GCAT: variants seen among roughly 807,000 people sequenced by gnomAD.
The protein encoded by GCAT is glycine C-acetyltransferase.
Under a neutral mutation model 39.7 loss-of-function variants are expected in GCAT, and 26 were observed. The observed-to-expected ratio is 0.65, with a 90% CI of 0.48 to 0.91. The LOEUF is 0.91. GCAT is among the 40% of genes least tolerant of loss of function. The probability of loss-of-function intolerance (pLI) is 0.00; values close to 1 mark genes in which losing one functional copy is unlikely to be tolerated. For missense variants in GCAT, 550 were observed against 576.2 expected (o/e 0.95, Z 0.47); for synonymous variants, 218 against 237.2 (o/e 0.92, Z 0.74).
intron 2 of GCAT, among the ~76,000 whole-genome samples, chr22:37,810,660 C>T (rs1046605321): frequency 1.9e-4 from 29 of 151,940 alleles, no homozygotes; most frequent in African/African-American, 3.6e-4. Flanking sequence ...GGACTACAGG[C>T]GCCTACCACC....
In GCAT at chr22:37,816,496, G is replaced by A. The variant is rs1052476732; in HGVS notation, c.1109-71G>A. The A allele has an allele frequency of 5.1e-6, 8 of 1,571,730 alleles. No individual in the cohort carries two copies. The Admixed American group carries it at 1.0e-4, about 20-fold the overall frequency. On this transcript the variant is annotated intron_variant, in intron 8 of 8. Coordinates refer to ENST00000248924, the MANE Select transcript of GCAT (RefSeq NM_014291.4). ...AGTCCCGAATCTGAGACCTGGGGCA[G>A]TTCCCTTGCCCTCTGTGTTCTGCCC...
At chr22:37,815,553 GA>G in intron 6 of GCAT, 53 bp downstream of exon 6, 1 of 1,534,662 alleles carries the variant, frequency 6.5e-7, no homozygotes, top group South Asian at 1.1e-5. Context: ...AAGGGCCCTG[GA>G]GGGGCTCAGG....
intron 6 of GCAT, 34 bp downstream of exon 6, chr22:37,815,534 G>T (rs1251509971): frequency 6.4e-7 from 1 of 1,574,484 alleles, no homozygotes. Context: ...GGGTCCCCTT[G>T]TCCTTTTGAA....
chr22:37,809,691 C>T (rs921186926), intron 1 of GCAT, among the ~76,000 whole-genome samples: 1 of 151,922 alleles, frequency 6.6e-6, no homozygotes, highest in South Asian at 2.1e-4. Flanking sequence ...CATGGTGGCA[C>T]GCACCTGTAG....
downstream of GCAT, chr22:37,817,116 G>A: frequency 5.4e-6 from 1 of 183,980 alleles, no homozygotes; most frequent in South Asian, 1.1e-4. Context: ...CCTGAGGTCG[G>A]GAGTTTGAGA....
chr22:37,812,567 C>T lies in GCAT; in HGVS notation c.328-320C>T, dbSNP rs184628321. 2.8e-4 allele frequency among the ~76,000 whole-genome samples: 43 copies of T among 152,200 alleles called. 1 individual carries two copies. The East Asian group carries it at 7.3e-3, about 26-fold the overall frequency. On this transcript the variant is annotated intron_variant, in intron 2 of 8. Transcript: ENST00000248924. ...TGTGATCTTTTTCTTCACCATTAGG[C>T]GACCAAAAAAGACACTCAGTATGGT...
intron 2 of GCAT, among the ~76,000 whole-genome samples, chr22:37,810,521 T>TC (rs2145917173): frequency 6.9e-6 from 1 of 145,356 alleles, no homozygotes; most frequent in South Asian, 2.3e-4. Flanking sequence ...AATTTTTTTT[T>TC]TTTTTTTTTT....
rs11703517 is a variant in GCAT, at chr22:37,813,119, A to C, written c.429+131A>C. On this transcript the variant is annotated intron_variant, in intron 3 of 8. Coordinates refer to ENST00000248924, the MANE Select transcript of GCAT (RefSeq NM_014291.4). ...TAGAGGCTCCAGAGCCCGCTTCTGG[A>C]GGTCAAGGTTGGGCCAGGTAGGTGC... 4.7e-3 allele frequency: 3,342 copies of C among 714,912 alleles called. 20 individuals are homozygous for C. The highest frequency in any genetic ancestry group is 5.3e-3 in the Non-Finnish European group (2,167 of 406,306). The allele number at this position is 714,912 out of a possible 1,614,324, so 44.3% of individuals were successfully genotyped here.
chr22:37,809,951 C>T (rs766359551), intron 1 of GCAT, 76 bp from the exon 2 acceptor site: 4 of 1,577,982 alleles, frequency 2.5e-6, no homozygotes, highest in African/African-American at 2.7e-5. Flanking sequence ...TTCCCCAGGG[C>T]CTGGCACTGT....
At chr22:37,808,242 G>T in intron 1 of GCAT, 79 bp downstream of exon 1, 1 of 1,181,308 alleles carries the variant, frequency 8.5e-7, no homozygotes, top group Admixed American at 3.3e-5. Context: ...GTGGGGGTGG[G>T]CGGCTCCTAC....
At chr22:37,811,733 G>A (rs1052495557) in intron 2 of GCAT, among the ~76,000 whole-genome samples, 5 of 151,794 alleles carry the variant, frequency 3.3e-5, no homozygotes, top group Non-Finnish European at 7.4e-5. Flanking sequence ...AGACCAGCCT[G>A]GCCAACATGG....
At chr22:37,815,958 T>C in intron 7 of GCAT, 124 bp downstream of exon 7, 5 of 1,139,022 alleles carry the variant, frequency 4.4e-6, no homozygotes, top group Non-Finnish European at 6.3e-6. Context: ...TTCCCCTCCC[T>C]TCTCTCTGTC....
At chr22:37,816,394 C>G (rs557468517) in intron 8 of GCAT, 73 bp downstream of exon 8, 2 of 1,571,212 alleles carry the variant, frequency 1.3e-6, no homozygotes, top group African/African-American at 2.7e-5. Flanking sequence ...AGACTGTGAC[C>G]CAGCCCCGTA....
chr22:37,815,953 C>T (rs1601704321), intron 7 of GCAT, 119 bp downstream of exon 7: 1 of 1,159,706 alleles, frequency 8.6e-7, no homozygotes. Context: ...GCCTGTTCCC[C>T]TCCCTTCTCT....
At position 37,813,571 on chromosome 22, in the gene GCAT, G is replaced by A. The variant is rs745626193; in HGVS notation, c.538G>A (p.Asp180Asn). The change falls in exon 4 of 9, where the codon GAC becomes AAC. Residue 180 changes from aspartate (D) to asparagine (N), a missense_variant. Transcript: ENST00000248924. The stretch of plus-strand genomic sequence containing the variant: ...CCACAAGTACCGCTATCGCCACCTG[G>A]ACATGGCCGACCTAGAAGCCAAGCT... ...KAHKYRYRHLDMADLEAKLQE... is the reference protein window; with the variant it reads ...KAHKYRYRHLNMADLEAKLQE... 6 of 1,612,946 alleles carry A rather than the reference G, an allele frequency of 3.7e-6. No homozygotes were observed. Among genetic ancestry groups the A allele is most frequent in the Non-Finnish European group, 5.1e-6 (6 of 1,179,772 alleles).
rs568423076 is a variant in GCAT at position 37,813,580 on chromosome 22, G to A, written c.547G>A (p.Asp183Asn). The A allele has an allele frequency of 1.1e-4, 185 of 1,611,596 alleles. No homozygotes were observed. Among genetic ancestry groups the A allele is most frequent in the East Asian group, 7.4e-4 (33 of 44,834 alleles). ...KYRYRHLDMA[D>N]LEAKLQEAQK... ...CCGCTATCGCCACCTGGACATGGCC[G>A]ACCTAGAAGCCAAGCTGCAGGAGGC... The change falls in exon 4 of 9, where the codon GAC (aspartate) becomes AAC (asparagine). Residue 183 changes from aspartate (D) to asparagine (N), a missense_variant. Asp to Asn is a conservative substitution (Grantham distance 23, BLOSUM62 1). Transcript: ENST00000248924.
At position 37,815,724 on chromosome 22, in the gene GCAT, C is replaced by T. The variant is rs1922108040; in HGVS notation, c.876C>T (p.Tyr292=). The T allele has an allele frequency of 6.2e-7, 1 of 1,613,752 alleles. No homozygotes were observed. The highest frequency in any genetic ancestry group is 8.5e-7 in the Non-Finnish European group (1 of 1,179,904). The change falls in exon 7 of 9, where the codon TAC becomes TAT. Residue 292 remains tyrosine, a synonymous_variant. Coordinates refer to ENST00000248924, the MANE Select transcript of GCAT (RefSeq NM_014291.4). ...VSLLRQRARP[Y]LFSNSLPPAV... Reference sequence around the variant, plus strand: ...TGCTGCGGCAGCGCGCCCGGCCATACCTCTTCTCCAACAGTCTGCCACCTG... The same window carrying T: ...TGCTGCGGCAGCGCGCCCGGCCATATCTCTTCTCCAACAGTCTGCCACCTG...
chr22:37,816,913 T>C (rs1346822915), downstream of GCAT: 3 of 598,314 alleles, frequency 5.0e-6, no homozygotes, highest in African/African-American at 5.6e-5. Flanking sequence ...TGGTCTGCTT[T>C]ATTGTCTCTG....
intron 1 of GCAT, among the ~76,000 whole-genome samples, chr22:37,809,568 G>A (rs1265328177): frequency 6.6e-6 from 1 of 152,110 alleles, no homozygotes; most frequent in Non-Finnish European, 1.5e-5. Flanking sequence ...GCCTGAAATC[G>A]TAGCACTTTG....
Sources: gnomAD v4.1 joint callset for allele counts (sites outside exome capture counted in the v4.1 genomes callset) on GRCh38, gnomAD v4.1.1 for gene constraint, MANE v1.5 for transcripts, NCBI Gene and HGNC (gene_info 2026-07-23, HGNC 2026-07-21) for gene names.